AHRR: variants seen among roughly 807,000 people sequenced by gnomAD.
The protein encoded by AHRR is aryl hydrocarbon receptor repressor.
A neutral mutation model predicts 44.0 loss-of-function variants in AHRR; 28 were observed. That is an observed-to-expected ratio of 0.64 (90% CI 0.47 to 0.87). The LOEUF is 0.87. Ranked by LOEUF, AHRR falls within the 40% of genes least tolerant of loss-of-function variation. The probability of loss-of-function intolerance (pLI) is 0.00; values close to 1 mark genes in which losing one functional copy is unlikely to be tolerated. For synonymous variants in AHRR, 434 were observed against 407.0 expected (o/e 1.07, Z -0.80); for missense variants, 990 against 953.9 (o/e 1.04, Z -0.50).
chr5:387,659 C>T lies in AHRR; in HGVS notation c.351+10943C>T, dbSNP rs1734223740. On this transcript the variant is annotated intron_variant, in intron 4 of 10. Transcript: ENST00000684583. This position sits in a 1 kb window ranked among gnomAD's most constrained non-coding sequence, Gnocchi z 5.1. The stretch of plus-strand genomic sequence containing the variant: ...CAGCCTCTTCTGTGGCTTCTGACAG[C>T]AGCAGTGGTAATACCGGTAACACAT... Among the ~76,000 whole-genome samples, 1 of 152,352 alleles carries T rather than the reference C, an allele frequency of 6.6e-6. No individual in the cohort carries two copies. Among genetic ancestry groups the T allele is most frequent in the East Asian group, 1.9e-4 (1 of 5,188 alleles).
rs1363646820 is a variant in AHRR, at chr5:337,968, G to A, written c.-10-5925G>A. Among the ~76,000 whole-genome samples the A allele has an allele frequency of 6.6e-6, 1 of 152,236 alleles. No homozygotes were observed. The highest frequency in any genetic ancestry group is 1.5e-5 in the Non-Finnish European group (1 of 68,038). ...CATCATGCCCTCTATAGGAAGAAAT[G>A]CTGAAAGACTGCGGCTTATTAATGC... On this transcript the variant is annotated intron_variant, in intron 1 of 10. Transcript: ENST00000684583. The surrounding 1 kb of genome is among the most constrained non-coding windows in gnomAD (Gnocchi z 4.1).
chr5:377,222 C>T (rs1226262704), intron 4 of AHRR, among the ~76,000 whole-genome samples: 10 of 152,148 alleles, frequency 6.6e-5, no homozygotes, highest in Admixed American at 6.5e-4. Context: ...CTCTGAAGTG[C>T]TGAGTTGTCC....
intron 1 of AHRR, among the ~76,000 whole-genome samples, chr5:333,196 C>A (rs1170199935): frequency 6.6e-6 from 1 of 152,180 alleles, no homozygotes; most frequent in Non-Finnish European, 1.5e-5. Flanking sequence ...GCTTGAGGAA[C>A]AATGCCCAGC....
chr5:376,557 A>AACGCGGGGAAACACAGGAAATAT, intron 3 of AHRR, 53 bp from the exon 4 acceptor site: 1 of 1,423,182 alleles, frequency 7.0e-7, no homozygotes, highest in Non-Finnish European at 9.5e-7. Flanking sequence ...AATGAAGAAG[A>AACGCGGGGAAACACAGGAAATAT]GTGGCCAGGC....
At chr5:322,300 A>G (rs931919229) in intron 1 of AHRR, among the ~76,000 whole-genome samples, 1 of 152,170 alleles carries the variant, frequency 6.6e-6, no homozygotes, top group Non-Finnish European at 1.5e-5. Context: ...GGATGCCCTG[A>G]GAGAGCGATG....
rs150380149 is a variant in AHRR at position 380,353 on chromosome 5, C to T, written c.351+3637C>T. Among the ~76,000 whole-genome samples, 760 of 152,030 alleles carry T rather than the reference C, an allele frequency of 5.0e-3. 5 individuals carry two copies. The highest frequency in any genetic ancestry group is 0.017 in the African/African-American group (701 of 41,454). ...TAAATTTTAGAATTAGCTTATTGAC[C>T]GATATCTACAAAAATCCCTGCTGGG... On this transcript the variant is annotated intron_variant, in intron 4 of 10. Transcript: ENST00000684583.
rs997650634 is a variant in AHRR, at chr5:435,021, T to G, written c.*187T>G. On this transcript the variant is annotated 3_prime_UTR_variant, in exon 11 of 11. Transcript: ENST00000684583. ...AGCCTATCCTGAATTTTGTAAAATA[T>G]CCCAACAGTTCTTAAATGAAAACTG... 1.3e-6 allele frequency: 1 copy of G among 767,524 alleles called. No homozygotes were observed. The highest frequency in any genetic ancestry group is 1.8e-5 in the African/African-American group (1 of 56,998). 47.5% of individuals were successfully genotyped at this position (767,524 alleles called of 1,614,324 possible). A position where few individuals can be genotyped will look rare whatever the true frequency, so the allele number is the denominator to read the frequency against.
At chr5:413,605 T>C (rs1161623627) in intron 5 of AHRR, among the ~76,000 whole-genome samples, 172 bp downstream of exon 5, 1 of 152,236 alleles carries the variant, frequency 6.6e-6, no homozygotes, top group African/African-American at 2.4e-5. Flanking sequence ...CAGTGTTTCT[T>C]CCAGCCTGGG....
chr5:432,638 T>C (rs1434065543), intron 9 of AHRR, 114 bp downstream of exon 9: 1 of 1,508,722 alleles, frequency 6.6e-7, no homozygotes, highest in East Asian at 2.3e-5. Flanking sequence ...AAAGCCATTT[T>C]GCAGAGACTT....
chr5:363,349 GTC>G (rs1050938317), intron 3 of AHRR, among the ~76,000 whole-genome samples: 15 of 152,202 alleles, frequency 9.9e-5, no homozygotes, highest in African/African-American at 3.6e-4. Context: ...ACCCTGGGGT[GTC>G]TCTGCCACAA....
At chr5:424,028 T>C (rs1736261818) in intron 7 of AHRR, 51 bp downstream of exon 7, 2 of 1,565,104 alleles carry the variant, frequency 1.3e-6, no homozygotes, top group Admixed American at 1.8e-5. Flanking sequence ...GGATGCATTC[T>C]ACCCTGGTGT....
At chr5:377,712 C>A (rs1733788418) in intron 4 of AHRR, among the ~76,000 whole-genome samples, 1 of 152,248 alleles carries the variant, frequency 6.6e-6, no homozygotes, top group South Asian at 2.1e-4. Flanking sequence ...TCTGTCCCCG[C>A]TAGTGAATGG....
intron 4 of AHRR, among the ~76,000 whole-genome samples, chr5:408,536 G>A (rs1163333226): frequency 1.3e-5 from 2 of 151,952 alleles, no homozygotes; most frequent in Non-Finnish European, 2.9e-5. Flanking sequence ...GATTATATCT[G>A]CTTGGCTATT....
chr5:435,296 C>T lies in AHRR; in HGVS notation c.*462C>T. 5.5e-6 allele frequency: 1 copy of T among 183,216 alleles called. No homozygotes were observed. Among genetic ancestry groups the T allele is most frequent in the East Asian group, 1.5e-4 (1 of 6,876 alleles). The allele number at this position is 183,216 out of a possible 1,614,324, so 11.3% of individuals were successfully genotyped here. ...GTCGGGTGACACACCTAGCTCAGCC[C>T]TCCCAGGCCACCTGCAGCTCCCAGC... On this transcript the variant is annotated 3_prime_UTR_variant, in exon 11 of 11. Coordinates refer to ENST00000684583, the MANE Select transcript of AHRR (RefSeq NM_001377236.1).
chr5:425,387 G>A (rs900359038), intron 7 of AHRR, among the ~76,000 whole-genome samples: 4 of 152,066 alleles, frequency 2.6e-5, no homozygotes, highest in African/African-American at 4.8e-5. Flanking sequence ...GTGCAATCTC[G>A]GCTCACTGCA....
intron 6 of AHRR, 145 bp from the exon 7 acceptor site, chr5:423,696 C>T (rs1736238317): frequency 8.6e-7 from 1 of 1,162,376 alleles, no homozygotes; most frequent in Admixed American, 2.9e-5. Flanking sequence ...TGAGTGACAT[C>T]TAGAGGGATG....
At chr5:369,906 G>A (rs1442919612) in intron 3 of AHRR, among the ~76,000 whole-genome samples, 3 of 152,236 alleles carry the variant, frequency 2.0e-5, no homozygotes, top group African/African-American at 7.2e-5. Context: ...TTGAATGTTC[G>A]AAAGCCTTGA....
intron 1 of AHRR, among the ~76,000 whole-genome samples, chr5:339,056 C>A (rs997505790): frequency 6.6e-6 from 1 of 152,140 alleles, no homozygotes; most frequent in Non-Finnish European, 1.5e-5. Flanking sequence ...TGTGACCTTG[C>A]TGGTCTCAGT....
At chr5:385,236 A>G (rs1272315591) in intron 4 of AHRR, among the ~76,000 whole-genome samples, 1 of 151,702 alleles carries the variant, frequency 6.6e-6, no homozygotes, top group Non-Finnish European at 1.5e-5. Flanking sequence ...GTGCAGTGGC[A>G]TGATCATACC....
Sources: gnomAD v4.1 joint callset for allele counts (sites outside exome capture counted in the v4.1 genomes callset) on GRCh38, gnomAD v4.1.1 for gene constraint, Gnocchi (gnomAD v3.1) non-coding constraint, MANE v1.5 for transcripts, NCBI Gene and HGNC (gene_info 2026-07-23, HGNC 2026-07-21) for gene names.